Variants in GLI3 observed in about 807,000 individuals in gnomAD.
The protein encoded by GLI3 is transcription activator GLI3.
GLI3 carries 20 observed loss-of-function variants against 100.8 expected under a neutral mutation model. That is an observed-to-expected ratio of 0.20 (90% CI 0.14 to 0.29). GLI3 has a LOEUF of 0.29. Ranked by LOEUF, GLI3 falls within the 10% of genes least tolerant of loss-of-function variation. The pLI, the probability that GLI3 is intolerant of heterozygous loss-of-function variation, is 1.00. For synonymous variants in GLI3, 938 were observed against 860.5 expected (o/e 1.09, Z -1.58); for missense variants, 2,040 against 2,128.5 (o/e 0.96, Z 0.82).
intron 2 of GLI3, among the ~76,000 whole-genome samples, chr7:42,195,657 A>G (rs1055381758): frequency 1.3e-5 from 2 of 152,212 alleles, no homozygotes; most frequent in African/African-American, 4.8e-5. Context: ...ACAATTTATT[A>G]GTATAGCTTA....
intron 3 of GLI3, among the ~76,000 whole-genome samples, chr7:42,100,581 A>G (rs1785439269): frequency 6.6e-6 from 1 of 151,296 alleles, no homozygotes; most frequent in African/African-American, 2.4e-5. Flanking sequence ...ACAAACATAA[A>G]AAAAAAAAAA....
In GLI3 at chr7:42,259,431, TAGCTCTA is replaced by T. The variant is rs1450949511; in HGVS notation, c.-43+4556_-43+4562del. Among the ~76,000 whole-genome samples the T allele has an allele frequency of 9.8e-5, 15 of 152,350 alleles. No homozygotes were observed. In the East Asian group the frequency reaches 2.9e-3, roughly 29 times the overall value. ...AATGTAGCTGTTCCTAGTTAAGCTC[TAGCTCTA>T]AGTCAGTTTCTTAATCTGTAAAACA... On this transcript the variant is annotated intron_variant, in intron 1 of 2. Transcript: ENST00000678978.
chr7:41,972,523 G>T lies in GLI3; in HGVS notation c.1917C>A (p.Thr639=). 6.2e-7 allele frequency: 1 copy of T among 1,613,170 alleles called. No individual in the cohort carries two copies. Among genetic ancestry groups the T allele is most frequent in the Non-Finnish European group, 8.5e-7 (1 of 1,180,012 alleles). Residue 639 remains threonine (T), a synonymous_variant, in exon 13 of 15, where the codon ACC becomes ACA. Coordinates refer to ENST00000395925, the MANE Select transcript of GLI3 (RefSeq NM_000168.6). This position sits in a 1 kb window ranked among gnomAD's most constrained non-coding sequence, Gnocchi z 4.4. Reference sequence around the variant, plus strand: ...GATGGATGTCCCCTCGCTGCTTCTTGGTGACATGAGCCTCTGGGCCATGCA... The same window carrying T: ...GATGGATGTCCCCTCGCTGCTTCTTTGTGACATGAGCCTCTGGGCCATGCA... ...KTVHGPEAHV[T]KKQRGDIHPR...
At chr7:42,134,472 C>T (rs1786378217) in intron 3 of GLI3, among the ~76,000 whole-genome samples, 1 of 152,102 alleles carries the variant, frequency 6.6e-6, no homozygotes, top group Admixed American at 6.5e-5. Flanking sequence ...CCAAATGCAA[C>T]TTTTAACTAC....
intron 1 of GLI3, among the ~76,000 whole-genome samples, chr7:42,249,340 T>C (rs527986985): frequency 1.8e-4 from 28 of 152,322 alleles, no homozygotes; most frequent in African/African-American, 6.3e-4. Context: ...CATATAGTTT[T>C]CATAATTTTT....
intron 3 of GLI3, among the ~76,000 whole-genome samples, chr7:42,126,276 C>A (rs1048286183): frequency 1.1e-4 from 17 of 152,244 alleles, no homozygotes; most frequent in Non-Finnish European, 2.2e-4. Flanking sequence ...CACAAGACTT[C>A]TCAACATCCA....
chr7:42,004,957 A>G lies in GLI3; in HGVS notation c.1497+18511T>C, dbSNP rs551692632. On this transcript the variant is annotated intron_variant, in intron 10 of 14. Transcript: ENST00000395925. Reference sequence around the variant, plus strand: ...AAAGGAACAATCCAAATTAGGAACAAAGAATTTTACACAAAGAGGTTTATT... The same window carrying G: ...AAAGGAACAATCCAAATTAGGAACAGAGAATTTTACACAAAGAGGTTTATT... Among the ~76,000 whole-genome samples, 40 of 152,334 alleles carry G rather than the reference A, an allele frequency of 2.6e-4. No homozygotes were observed. In the South Asian group the frequency reaches 5.0e-3, roughly 19 times the overall value.
chr7:42,185,322 C>A (rs564571117), intron 2 of GLI3, among the ~76,000 whole-genome samples: 1 of 152,328 alleles, frequency 6.6e-6, no homozygotes, highest in Non-Finnish European at 1.5e-5. Context: ...CAGGGACCAC[C>A]TAAAAGACCG....
chr7:42,019,631 G>T (rs748215175), intron 10 of GLI3, among the ~76,000 whole-genome samples: 60 of 152,030 alleles, frequency 3.9e-4, no homozygotes, highest in Non-Finnish European at 7.2e-4. Context: ...TATGATTCAC[G>T]TCTTTTATAA....
At chr7:42,210,615 C>T (rs116726375) in intron 2 of GLI3, among the ~76,000 whole-genome samples, 341 of 152,014 alleles carry the variant, frequency 2.2e-3, no homozygotes, top group African/African-American at 7.9e-3. Flanking sequence ...ACCCCTAACT[C>T]GCAACTCTGA....
At chr7:42,078,850 C>T (rs2128752454) in intron 3 of GLI3, among the ~76,000 whole-genome samples, 1 of 151,424 alleles carries the variant, frequency 6.6e-6, no homozygotes, top group Non-Finnish European at 1.5e-5. Flanking sequence ...CTGCCTCAGC[C>T]TCCCAAGTAG....
At chr7:42,176,460 G>A (rs1015839222) in intron 2 of GLI3, among the ~76,000 whole-genome samples, 6 of 151,950 alleles carry the variant, frequency 3.9e-5, no homozygotes, top group Middle Eastern at 6.8e-3. Context: ...CCAGGGGCCT[G>A]CCTGTTCCTT....
chr7:42,052,637 T>C (rs186230368), intron 4 of GLI3, among the ~76,000 whole-genome samples: 1 of 152,112 alleles, frequency 6.6e-6, no homozygotes, highest in Non-Finnish European at 1.5e-5. Flanking sequence ...GATATTCTTG[T>C]AGAACCAGCC....
intron 1 of GLI3, among the ~76,000 whole-genome samples, chr7:42,243,976 G>C (rs1788948332): frequency 2.6e-5 from 4 of 152,146 alleles, no homozygotes; most frequent in Non-Finnish European, 5.9e-5. Context: ...TGGGATTACA[G>C]GCACGTGCCA....
At chr7:42,228,124 C>T (rs1472166883) in intron 1 of GLI3, among the ~76,000 whole-genome samples, 2 of 152,050 alleles carry the variant, frequency 1.3e-5, no homozygotes, top group African/African-American at 2.4e-5. Flanking sequence ...CGGGCCCGCG[C>T]AGCGCTGTCT....
At chr7:42,011,202 A>T (rs1004834796) in intron 10 of GLI3, among the ~76,000 whole-genome samples, 3 of 152,192 alleles carry the variant, frequency 2.0e-5, no homozygotes, top group African/African-American at 7.2e-5. Flanking sequence ...AGTGTCATAG[A>T]GCACTCCACA....
intron 2 of GLI3, among the ~76,000 whole-genome samples, chr7:42,196,645 G>A (rs1315892499): frequency 6.6e-6 from 1 of 152,120 alleles, no homozygotes; most frequent in Non-Finnish European, 1.5e-5. Flanking sequence ...TTATGAACCT[G>A]GTGAAGACAA....
intron 3 of GLI3, among the ~76,000 whole-genome samples, chr7:42,108,790 A>G (rs1785636051): frequency 6.6e-6 from 1 of 152,226 alleles, no homozygotes; most frequent in Non-Finnish European, 1.5e-5. Flanking sequence ...CCTTAGCATA[A>G]TAAAACCATG....
At position 42,246,805 on chromosome 7, in the gene GLI3, C is replaced by CTTTTTTTTTT. The variant is rs71006467; in HGVS notation, c.-43+17179_-43+17188dup. Among the ~76,000 whole-genome samples the CTTTTTTTTTT allele has an allele frequency of 2.0e-3, 188 of 94,950 alleles. 16 individuals are homozygous for CTTTTTTTTTT. Among genetic ancestry groups the CTTTTTTTTTT allele is most frequent in the African/African-American group, 5.6e-3 (129 of 23,010 alleles). 62.3% of individuals were successfully genotyped at this position (94,950 alleles called of 152,430 possible). On this transcript the variant is annotated intron_variant, in intron 1 of 2. Coordinates refer to the GLI3 transcript ENST00000678978. ...TTAAAGGCTCATTGGATGATAGAAT[C>CTTTTTTTTTT]TTTTTTTTTTTTTTTTTTTTTTTTT...
Sources: allele counts gnomAD v4.1 joint callset (sites outside exome capture counted in the v4.1 genomes callset), GRCh38; gene constraint gnomAD v4.1.1; non-coding constraint Gnocchi (gnomAD v3.1); transcripts MANE v1.5; gene names NCBI Gene and HGNC (gene_info 2026-07-23, HGNC 2026-07-21).